KIAA1671: variants seen among roughly 807,000 people sequenced by gnomAD.
KIAA1671 encodes uncharacterized protein KIAA1671.
A neutral mutation model predicts 131.2 loss-of-function variants in KIAA1671; 52 were observed. The ratio of observed to expected loss-of-function variants is 0.40; its 90% CI spans 0.32 to 0.50. The LOEUF is 0.50. Among genes scored for constraint, KIAA1671 ranks in the 20% least tolerant of loss-of-function variants. The probability of loss-of-function intolerance (pLI) is 0.73; values close to 1 mark genes in which losing one functional copy is unlikely to be tolerated. For synonymous variants in KIAA1671, 1,003 were observed against 961.6 expected, an observed-to-expected ratio of 1.04 and a Z score of -0.80; for missense variants, 2,360 against 2,364.2, an observed-to-expected ratio of 1.00 and a Z score of 0.04.
At chr22:25,107,492 T>TTTTTTA (rs1931076385) in intron 6 of KIAA1671, among the ~76,000 whole-genome samples, 2 of 143,104 alleles carry the variant, frequency 1.4e-5, no homozygotes, top group African/African-American at 5.2e-5. Flanking sequence ...TTTTTTTTTT[T>TTTTTTA]GAGACAGGTT....
chr22:25,093,366 C>T (rs1005189564), intron 6 of KIAA1671, among the ~76,000 whole-genome samples: 4 of 152,116 alleles, frequency 2.6e-5, no homozygotes, highest in African/African-American at 9.7e-5. Flanking sequence ...TAGTGGAATG[C>T]CATAAAATAA....
rs1926909636 is a variant in KIAA1671, at chr22:25,041,283, G to A, written c.4153G>A (p.Glu1385Lys). The A allele has an allele frequency of 3.9e-6, 6 of 1,551,748 alleles. No homozygotes were observed. Among genetic ancestry groups the A allele is most frequent in the Non-Finnish European group, 5.2e-6 (6 of 1,146,998 alleles). ...AAGGAAATCCACCGGGCGGGGAGAG[G>A]AGGACAGTGTGGCCCAGTGGGGTGA... is the stretch of plus-strand genomic sequence containing the variant. ...TPRKSTGRGEEDSVAQWGDHP... is the reference protein window; with the variant it reads ...TPRKSTGRGEKDSVAQWGDHP... The change falls in exon 5 of 13, where the codon GAG becomes AAG. Residue 1385 changes from glutamate to lysine, a missense_variant. Physicochemically the swap from Glu to Lys is moderately conservative, Grantham distance 56 (BLOSUM62 1). Coordinates refer to ENST00000358431, the MANE Select transcript of KIAA1671 (RefSeq NM_001145206.2).
intron 6 of KIAA1671, among the ~76,000 whole-genome samples, chr22:25,123,106 C>T (rs981780916): frequency 3.3e-5 from 5 of 151,658 alleles, no homozygotes; most frequent in Admixed American, 1.3e-4. Context: ...TTCAGTTATT[C>T]ACACTGTTGT....
chr22:24,965,874 A>G lies in KIAA1671; in HGVS notation c.-208+13102A>G, dbSNP rs565481178. The stretch of plus-strand genomic sequence containing the variant: ...TGTTGTAGTAGCAGAAATAGCAACA[A>G]TGGCAGTAATAAAAAGTAAAAACTA... On this transcript the variant is annotated intron_variant, in intron 1 of 12. Coordinates refer to ENST00000358431, the MANE Select transcript of KIAA1671 (RefSeq NM_001145206.2). 2.0e-5 allele frequency among the ~76,000 whole-genome samples: 3 copies of G among 152,358 alleles called. No homozygotes were observed. In the East Asian group the frequency reaches 5.8e-4, roughly 29 times the overall value.
chr22:25,164,301 G>A (rs5760887), intron 6 of KIAA1671, among the ~76,000 whole-genome samples: 10,051 of 152,236 alleles, frequency 0.066, 357 homozygotes, highest in East Asian at 0.12. Flanking sequence ...CACTCACCAG[G>A]AGAACTAAGA....
In KIAA1671 at chr22:25,109,812, A is replaced by AT. The variant is rs369268545; in HGVS notation, c.4530+60449dup. On this transcript the variant is annotated intron_variant, in intron 6 of 12. Coordinates refer to ENST00000358431, the MANE Select transcript of KIAA1671 (RefSeq NM_001145206.2). ...TAGGCACCCTCTGAATCTTTATTAA[A>AT]TGAATGAATGAAAGAATGAATGAGG... Among the ~76,000 whole-genome samples, 167 of 152,308 alleles carry AT rather than the reference A, an allele frequency of 1.1e-3. 1 individual carries two copies. The highest frequency in any genetic ancestry group is 3.8e-3 in the African/African-American group (159 of 41,568).
chr22:25,036,957 G>A (rs908957670), intron 4 of KIAA1671, among the ~76,000 whole-genome samples: 3 of 151,970 alleles, frequency 2.0e-5, no homozygotes, highest in Admixed American at 6.6e-5. Context: ...AAAAAGCTTT[G>A]AACTTTGTAT....
Position 25,148,002 on chromosome 22 carries a change from C to CCCT in KIAA1671, c.4531-22818_4531-22817insCCT, listed in dbSNP as rs1422581950. ...CCCCTCCCTCCCTCCCTCCCTACCTCACTCTCTCCCTTTCTTTCCCTTGCT... is the reference window on the plus strand; with the variant it reads ...CCCCTCCCTCCCTCCCTCCCTACCTCCCTACTCTCTCCCTTTCTTTCCCTTGCT... On this transcript the variant is annotated intron_variant, in intron 6 of 12. Transcript: ENST00000358431. Among the ~76,000 whole-genome samples, 118 of 65,702 alleles carry CCCT rather than the reference C, an allele frequency of 1.8e-3. 1 individual carries two copies. The highest frequency in any genetic ancestry group is 1.2e-3 in the Non-Finnish European group (41 of 35,068). The allele number at this position is 65,702 out of a possible 152,430, so 43.1% of individuals were successfully genotyped here.
intron 1 of KIAA1671, among the ~76,000 whole-genome samples, chr22:24,979,256 T>G (rs888428964): frequency 2.0e-5 from 3 of 150,064 alleles, no homozygotes; most frequent in African/African-American, 7.3e-5. Context: ...CCTCAGGTGA[T>G]CTGCCTGCCT....
chr22:24,998,494 C>T (rs1039933393), intron 1 of KIAA1671, among the ~76,000 whole-genome samples: 17 of 151,834 alleles, frequency 1.1e-4, no homozygotes, highest in African/African-American at 3.9e-4. Context: ...CTGAGGCGGG[C>T]GGATCACGAG....
chr22:25,042,490 G>A (rs1371324278), intron 5 of KIAA1671, among the ~76,000 whole-genome samples: 2 of 116,662 alleles, frequency 1.7e-5, no homozygotes, highest in African/African-American at 3.6e-5. Context: ...TTTTTGAGAC[G>A]GAGTCTCACA....
At chr22:25,131,880 A>G (rs1181530546) in intron 6 of KIAA1671, among the ~76,000 whole-genome samples, 2 of 152,100 alleles carry the variant, frequency 1.3e-5, no homozygotes, top group African/African-American at 4.8e-5. Context: ...TCTGAAGGGG[A>G]TGGCCGGGGC....
intron 6 of KIAA1671, among the ~76,000 whole-genome samples, chr22:25,163,261 G>A (rs569502287): frequency 4.6e-5 from 7 of 150,836 alleles, no homozygotes; most frequent in Non-Finnish European, 8.9e-5. Context: ...CTGAGGAGTC[G>A]AGGCTGCAGT....
At chr22:25,068,320 C>T (rs1928601865) in intron 6 of KIAA1671, among the ~76,000 whole-genome samples, 1 of 152,214 alleles carries the variant, frequency 6.6e-6, no homozygotes, top group South Asian at 2.1e-4. Context: ...CCAGTGCCTG[C>T]TGGGAGTGGG....
intron 6 of KIAA1671, among the ~76,000 whole-genome samples, chr22:25,093,802 CTCTCTCTCTGTCTCTCTCTCTT>C (rs1930225329): frequency 1.4e-5 from 2 of 141,128 alleles, no homozygotes; most frequent in African/African-American, 2.6e-5. Flanking sequence ...CTCTCTCTCT[CTCTCTCTCTGTCTCTCTCTCTT>C]TCTCTCTCTG....
intron 6 of KIAA1671, chr22:25,070,408 T>C: frequency 2.0e-6 from 1 of 504,814 alleles, no homozygotes. Flanking sequence ...GCTCTTGCGC[T>C]ACCTCTGGGT....
intron 1 of KIAA1671, among the ~76,000 whole-genome samples, chr22:24,967,949 T>C (rs941198175): frequency 7.2e-5 from 11 of 152,058 alleles, no homozygotes; most frequent in South Asian, 2.1e-4. Flanking sequence ...ACCGAGATCA[T>C]GCCACTGCAC....
At chr22:25,011,783 G>A (rs1925056754) in intron 1 of KIAA1671, 1 of 151,806 alleles carries the variant, frequency 6.6e-6, no homozygotes, top group African/African-American at 2.4e-5. Context: ...GATTACAGGT[G>A]TCTGCCACCA....
At chr22:25,182,349 C>CTCTTCTTTCTTTCCTCCCTCCT in intron 10 of KIAA1671, among the ~76,000 whole-genome samples, 1 of 79,052 alleles carries the variant, frequency 1.3e-5, no homozygotes, top group African/African-American at 3.7e-5. Flanking sequence ...TCCTCCCTCC[C>CTCTTCTTTCTTTCCTCCCTCCT]TTTCTCTTCT....
Sources: allele counts gnomAD v4.1 joint callset (sites outside exome capture counted in the v4.1 genomes callset), GRCh38; gene constraint gnomAD v4.1.1; transcripts MANE v1.5; gene names NCBI Gene and HGNC (gene_info 2026-07-23, HGNC 2026-07-21).